The following NCKAP5 variants were observed in gnomAD, a reference collection of about 807,000 sequenced individuals.
NCKAP5 encodes NCK associated protein 5.
In NCKAP5, 92 loss-of-function variants were observed where a neutral mutation model predicts 167.0. The observed-to-expected ratio is 0.55, with a 90% CI of 0.47 to 0.66. The LOEUF is 0.66. Among genes scored for constraint, NCKAP5 ranks in the 30% least tolerant of loss-of-function variants. The pLI is 0.00. For synonymous variants in NCKAP5, 891 were observed against 877.4 expected, an observed-to-expected ratio of 1.02 and a Z score of -0.27; for missense variants, 2,378 against 2,315.0, an observed-to-expected ratio of 1.03 and a Z score of -0.56.
At chr2:133,346,955 G>A (rs1255496438) in intron 3 of NCKAP5, among the ~76,000 whole-genome samples, 1 of 152,242 alleles carries the variant, frequency 6.6e-6, no homozygotes, top group Admixed American at 6.5e-5. Context: ...GTTGAGGACT[G>A]AGTGTTGTAG....
the NCKAP5 span, among the ~76,000 whole-genome samples, chr2:133,640,914 A>G: frequency 6.6e-6 from 1 of 152,222 alleles, no homozygotes. Context: ...CTAAGAATCC[A>G]TGACATACTT....
Position 133,167,806 on chromosome 2 carries a change from T to C in NCKAP5, c.208-37695A>G, listed in dbSNP as rs567313484. ...TGAAGGTTGAAAATTCCATTTTCTA[T>C]AAAAGAATTTTCTTTTTACTTCCAT... On this transcript the variant is annotated intron_variant, in intron 5 of 19. Coordinates refer to ENST00000409261, the MANE Select transcript of NCKAP5 (RefSeq NM_207363.3). Among the ~76,000 whole-genome samples, 235 of 152,316 alleles carry C rather than the reference T, an allele frequency of 1.5e-3. 1 individual carries two copies. Among genetic ancestry groups the C allele is most frequent in the African/African-American group, 5.3e-3 (222 of 41,564 alleles).
At chr2:133,173,511 C>T (rs974376384) in intron 5 of NCKAP5, among the ~76,000 whole-genome samples, 2 of 152,136 alleles carry the variant, frequency 1.3e-5, no homozygotes, top group African/African-American at 4.8e-5. Flanking sequence ...CACCATCCCC[C>T]AGGTGATGAT....
At chr2:132,697,967 A>C (rs531796513) in intron 19 of NCKAP5, among the ~76,000 whole-genome samples, 1 of 152,290 alleles carries the variant, frequency 6.6e-6, no homozygotes, top group South Asian at 2.1e-4. Context: ...GTGGCTTCAA[A>C]CTTTTATGAG....
At chr2:133,343,275 G>A (rs1168042263) in intron 3 of NCKAP5, among the ~76,000 whole-genome samples, 4 of 151,900 alleles carry the variant, frequency 2.6e-5, no homozygotes, top group Non-Finnish European at 1.5e-5. Flanking sequence ...GTTTCCCAGG[G>A]TTTCCAGATT....
At chr2:132,675,177 G>A (rs1222892177) in intron 19 of NCKAP5, among the ~76,000 whole-genome samples, 1 of 152,184 alleles carries the variant, frequency 6.6e-6, no homozygotes, top group Non-Finnish European at 1.5e-5. Flanking sequence ...CAGGCTGAAG[G>A]CTTTGGTACT....
intron 6 of NCKAP5, among the ~76,000 whole-genome samples, chr2:133,069,312 C>A (rs1159523369): frequency 6.6e-6 from 1 of 152,162 alleles, no homozygotes; most frequent in East Asian, 1.9e-4. Flanking sequence ...TCTTTCTAAG[C>A]CCCTTTCCTA....
intron 19 of NCKAP5, among the ~76,000 whole-genome samples, chr2:132,676,022 G>C (rs1330616796): frequency 6.6e-6 from 1 of 152,116 alleles, no homozygotes; most frequent in Non-Finnish European, 1.5e-5. Flanking sequence ...GGAGTGGTGA[G>C]GGCTGCAGTC....
chr2:132,821,215 G>A (rs985443399), intron 11 of NCKAP5, among the ~76,000 whole-genome samples: 6 of 152,286 alleles, frequency 3.9e-5, no homozygotes, highest in Non-Finnish European at 8.8e-5. Flanking sequence ...TTCCCAAAGC[G>A]TGAGGGGGAG....
chr2:133,611,267 G>A, the NCKAP5 span, among the ~76,000 whole-genome samples: 53 of 122,052 alleles, frequency 4.3e-4, no homozygotes, highest in East Asian at 8.2e-3. Flanking sequence ...ACCTCCACCC[G>A]CCACCCGCCA....
At chr2:133,143,719 T>C (rs1410643654) in intron 5 of NCKAP5, among the ~76,000 whole-genome samples, 1 of 152,002 alleles carries the variant, frequency 6.6e-6, no homozygotes, top group Non-Finnish European at 1.5e-5. Flanking sequence ...AGAATGATAA[T>C]GATGAACCCT....
At chr2:133,204,161 T>G (rs2085836779) in intron 5 of NCKAP5, among the ~76,000 whole-genome samples, 1 of 152,230 alleles carries the variant, frequency 6.6e-6, no homozygotes, top group African/African-American at 2.4e-5. Flanking sequence ...TTTCTTCTAC[T>G]TTCTTGTGTC....
the NCKAP5 span, among the ~76,000 whole-genome samples, chr2:133,579,609 G>A: frequency 6.6e-6 from 1 of 152,164 alleles, no homozygotes; most frequent in African/African-American, 2.4e-5. Flanking sequence ...TAGAATAAAG[G>A]ATTTAGATGC....
intron 2 of NCKAP5, among the ~76,000 whole-genome samples, chr2:133,532,732 C>A (rs1234554403): frequency 1.3e-5 from 2 of 152,096 alleles, no homozygotes; most frequent in African/African-American, 4.8e-5. Flanking sequence ...ACCCAGAATT[C>A]TTTAATTTTT....
intron 3 of NCKAP5, among the ~76,000 whole-genome samples, chr2:133,469,436 C>T (rs1048516586): frequency 3.9e-5 from 6 of 151,948 alleles, no homozygotes; most frequent in African/African-American, 1.5e-4. Flanking sequence ...CTCTGGCTGC[C>T]CTTAACATTT....
intron 6 of NCKAP5, among the ~76,000 whole-genome samples, chr2:133,053,954 T>C (rs2079699271): frequency 6.6e-6 from 1 of 152,226 alleles, no homozygotes; most frequent in African/African-American, 2.4e-5. Flanking sequence ...TAATTGCCAT[T>C]AGAAATTCAA....
At chr2:133,227,916 C>G (rs1267919799) in intron 4 of NCKAP5, among the ~76,000 whole-genome samples, 1 of 152,186 alleles carries the variant, frequency 6.6e-6, no homozygotes, top group African/African-American at 2.4e-5. Flanking sequence ...AACCACCAAA[C>G]TCTAGGAGAA....
intron 3 of NCKAP5, among the ~76,000 whole-genome samples, chr2:133,405,145 A>C (rs1463981542): frequency 6.6e-6 from 1 of 152,248 alleles, no homozygotes; most frequent in Non-Finnish European, 1.5e-5. Flanking sequence ...TTGGAAAAAT[A>C]CTGAGTTACG....
intron 6 of NCKAP5, among the ~76,000 whole-genome samples, chr2:133,127,768 G>A (rs1314605433): frequency 6.6e-6 from 1 of 152,288 alleles, no homozygotes; most frequent in South Asian, 2.1e-4. Flanking sequence ...TCACTTTGGA[G>A]GGGTGGATCT....
Sources: allele counts gnomAD v4.1 joint callset (sites outside exome capture counted in the v4.1 genomes callset), GRCh38; gene constraint gnomAD v4.1.1; transcripts MANE v1.5; gene names NCBI Gene and HGNC (gene_info 2026-07-23, HGNC 2026-07-21).